POU6F2: variants seen among roughly 807,000 people sequenced by gnomAD.
POU6F2 encodes POU domain, class 6, transcription factor 2.
A neutral mutation model predicts 71.3 loss-of-function variants in POU6F2; 31 were observed. The observed-to-expected ratio is 0.43, with a 90% confidence interval of 0.33 to 0.59. The LOEUF is 0.59. Among genes scored for constraint, POU6F2 ranks in the 20% least tolerant of loss-of-function variants. POU6F2 has a pLI of 0.04. For missense variants in POU6F2, 783 were observed against 856.8 expected, an observed-to-expected ratio of 0.91 and a Z score of 1.07; for synonymous variants, 347 against 355.7, an observed-to-expected ratio of 0.98 and a Z score of 0.27.
intron 5 of POU6F2, among the ~76,000 whole-genome samples, chr7:39,370,927 A>G (rs1786592641): frequency 6.6e-6 from 1 of 152,096 alleles, no homozygotes; most frequent in South Asian, 2.1e-4. Context: ...AAATAAATAC[A>G]TCTCCTTCTC....
At chr7:39,418,622 G>A (rs562575725) in intron 6 of POU6F2, among the ~76,000 whole-genome samples, 5 of 151,914 alleles carry the variant, frequency 3.3e-5, no homozygotes, top group Non-Finnish European at 7.4e-5. Context: ...CCCAGGAGGC[G>A]GAGGTTGCAG....
intron 6 of POU6F2, among the ~76,000 whole-genome samples, chr7:39,418,953 A>G (rs1562544155): frequency 7.3e-6 from 1 of 137,054 alleles, no homozygotes; most frequent in Non-Finnish European, 1.5e-5. Context: ...ATATGTATAT[A>G]TGTATATATA....
rs1197391540 is a variant in POU6F2, at chr7:39,393,692, A to G, written c.973-12908A>G. ...TAGTATTTTTTGTGGGATGGCTAGC[A>G]TATCTCTGGCTAGCTTCCTTCTACA... On this transcript the variant is annotated intron_variant, in intron 5 of 9. Coordinates refer to ENST00000518318, the MANE Select transcript of POU6F2 (RefSeq NM_001370959.1). 2.6e-5 allele frequency among the ~76,000 whole-genome samples: 4 copies of G among 152,304 alleles called. No individual in the cohort carries two copies. The East Asian group carries it at 5.8e-4, about 22-fold the overall frequency.
At chr7:39,110,268 C>CAA (rs35337549) in intron 2 of POU6F2, among the ~76,000 whole-genome samples, 48 of 103,670 alleles carry the variant, frequency 4.6e-4, no homozygotes, top group East Asian at 1.0e-3. Context: ...AACTCCGTCT[C>CAA]AAAAAAAAAA....
In POU6F2 at chr7:39,165,119, G is replaced by T. The variant is rs184322543; in HGVS notation, c.278-39116G>T. Among the ~76,000 whole-genome samples the T allele has an allele frequency of 5.3e-5, 8 of 152,252 alleles. No individual in the cohort carries two copies. The South Asian group carries it at 6.2e-4, about 12-fold the overall frequency. ...ATTACAGCCTGCCCTGACTGGCGGCGCACTCAGTGTTTTCATAGGACTTTT... is the reference window on the plus strand; with the variant it reads ...ATTACAGCCTGCCCTGACTGGCGGCTCACTCAGTGTTTTCATAGGACTTTT... On this transcript the variant is annotated intron_variant, in intron 2 of 9. Transcript: ENST00000518318.
chr7:39,134,046 T>A (rs1792342652), intron 2 of POU6F2, among the ~76,000 whole-genome samples: 1 of 152,032 alleles, frequency 6.6e-6, no homozygotes, highest in African/African-American at 2.4e-5. Context: ...GGCTAATTTT[T>A]TATTTTTTGT....
chr7:39,348,444 T>A (rs889293356), intron 5 of POU6F2, among the ~76,000 whole-genome samples: 6 of 152,252 alleles, frequency 3.9e-5, no homozygotes, highest in African/African-American at 1.2e-4. Flanking sequence ...ATGTATCTTT[T>A]ACTAAGTTCT....
intron 1 of POU6F2, among the ~76,000 whole-genome samples, chr7:39,020,077 G>A (rs1252681258): frequency 6.6e-6 from 1 of 152,114 alleles, no homozygotes; most frequent in Non-Finnish European, 1.5e-5. Flanking sequence ...GGAACCAGGA[G>A]CAAGTGAGCA....
chr7:38,986,221 G>T (rs1275979257), intron 1 of POU6F2, among the ~76,000 whole-genome samples: 1 of 151,998 alleles, frequency 6.6e-6, no homozygotes, highest in Non-Finnish European at 1.5e-5. Flanking sequence ...AAAATACTTT[G>T]CAACTTTTTT....
At chr7:39,437,936 G>A (rs1788287786) in intron 7 of POU6F2, among the ~76,000 whole-genome samples, 1 of 136,136 alleles carries the variant, frequency 7.3e-6, no homozygotes, top group Admixed American at 7.2e-5. Flanking sequence ...GTGGTTTTGA[G>A]TGAGTTTCTT....
chr7:39,116,996 C>T (rs1791943850), intron 2 of POU6F2, among the ~76,000 whole-genome samples: 1 of 152,130 alleles, frequency 6.6e-6, no homozygotes, highest in African/African-American at 2.4e-5. Context: ...GTGGCACCTT[C>T]TTGTTTGTAT....
At chr7:39,389,613 G>A (rs963316815) in intron 5 of POU6F2, among the ~76,000 whole-genome samples, 2 of 152,106 alleles carry the variant, frequency 1.3e-5, no homozygotes, top group Admixed American at 6.5e-5. Context: ...AGGACCAAAT[G>A]TAAATTTGCT....
chr7:39,447,695 A>T (rs1313187659), intron 7 of POU6F2, among the ~76,000 whole-genome samples: 2 of 152,198 alleles, frequency 1.3e-5, no homozygotes, highest in East Asian at 3.8e-4. Context: ...GAAGCATCTA[A>T]GTTTCCCTTT....
chr7:39,397,814 G>GTGTATATATATATATATA (rs1554349981), intron 5 of POU6F2, among the ~76,000 whole-genome samples: 1 of 128,414 alleles, frequency 7.8e-6, no homozygotes, highest in Non-Finnish European at 1.6e-5. Context: ...TATATTTTGT[G>GTGTATATATATATATATA]TATATATATA....
At position 39,460,776 on chromosome 7, in the gene POU6F2, G is replaced by T. The variant is rs1049168201; in HGVS notation, c.1658+61G>T. 3 of 1,453,622 alleles carry T rather than the reference G, an allele frequency of 2.1e-6. No homozygotes were observed. Among genetic ancestry groups the T allele is most frequent in the Non-Finnish European group, 2.7e-6 (3 of 1,100,292 alleles). 90.0% of individuals were successfully genotyped at this position (1,453,622 alleles called of 1,614,324 possible). The stretch of plus-strand genomic sequence containing the variant: ...CGCCCTGGGCCTCATTTGTCCTCGC[G>T]GTTCAGCTTTTCTTCGTCGGGTGGG... On this transcript the variant is annotated intron_variant, in intron 9 of 9. Transcript: ENST00000518318. The surrounding 1 kb of genome is among the most constrained non-coding windows in gnomAD (Gnocchi z 4.4).
rs7777970 is a variant in POU6F2, at chr7:38,992,775, G to A, written c.105+14717G>A. ...AACATAGTCTCTGAAATATTACTCC[G>A]GGTGGAAATATTGTGTTACTATTCA... On this transcript the variant is annotated intron_variant, in intron 1 of 9. Coordinates refer to ENST00000518318, the MANE Select transcript of POU6F2 (RefSeq NM_001370959.1). Among the ~76,000 whole-genome samples the A allele has an allele frequency of 6.8e-3, 1,038 of 152,180 alleles. 8 individuals are homozygous for A. The highest frequency in any genetic ancestry group is 0.024 in the African/African-American group (986 of 41,514).
At chr7:39,420,620 T>A (rs2115966925) in intron 6 of POU6F2, among the ~76,000 whole-genome samples, 1 of 152,342 alleles carries the variant, frequency 6.6e-6, no homozygotes, top group East Asian at 1.9e-4. Context: ...GCTCCAATTT[T>A]TTTAGCAAAG....
At chr7:39,272,453 C>T (rs1784358117) in intron 4 of POU6F2, among the ~76,000 whole-genome samples, 1 of 152,006 alleles carries the variant, frequency 6.6e-6, no homozygotes, top group East Asian at 1.9e-4. Context: ...TCAGTGAATC[C>T]AAGGACTGCT....
At chr7:39,458,489 C>T (rs2116153227) in intron 8 of POU6F2, among the ~76,000 whole-genome samples, 1 of 152,082 alleles carries the variant, frequency 6.6e-6, no homozygotes. Flanking sequence ...GAAAAAAGGG[C>T]TCGAGACTGC....
Sources: allele counts gnomAD v4.1 joint callset (sites outside exome capture counted in the v4.1 genomes callset), GRCh38; gene constraint gnomAD v4.1.1; non-coding constraint Gnocchi (gnomAD v3.1); transcripts MANE v1.5; gene names NCBI Gene and HGNC (gene_info 2026-07-23, HGNC 2026-07-21).